Variants in KALRN observed in about 807,000 individuals in gnomAD.
KALRN encodes kalirin.
A neutral mutation model predicts 353.7 loss-of-function variants in KALRN; 70 were observed. That is an observed-to-expected ratio of 0.20 (90% CI 0.16 to 0.24). The LOEUF is 0.24. Among genes scored for constraint, KALRN ranks in the 10% least tolerant of loss-of-function variants. The probability of loss-of-function intolerance (pLI) is 1.00; values close to 1 mark genes in which losing one functional copy is unlikely to be tolerated. For synonymous variants in KALRN, 1,391 were observed against 1,434.8 expected, an observed-to-expected ratio of 0.97 and a Z score of 0.69; for missense variants, 2,791 against 3,756.7, an observed-to-expected ratio of 0.74 and a Z score of 6.72.
intron 57 of KALRN, among the ~76,000 whole-genome samples, chr3:124,705,980 T>C (rs1224960077): frequency 6.6e-6 from 1 of 151,930 alleles, no homozygotes; most frequent in African/African-American, 2.4e-5. Context: ...GGCTCAATCA[T>C]GGTTCACTGC....
chr3:124,068,251 A>G (rs1435464542), intron 1 of KALRN, among the ~76,000 whole-genome samples: 2 of 152,210 alleles, frequency 1.3e-5, no homozygotes, highest in Non-Finnish European at 2.9e-5. Flanking sequence ...ACCCACCTCC[A>G]TCTGTGGAAC....
chr3:124,325,815 A>G (rs565902434), intron 6 of KALRN, among the ~76,000 whole-genome samples, 165 bp from the exon 7 acceptor site: 1 of 152,312 alleles, frequency 6.6e-6, no homozygotes, highest in South Asian at 2.1e-4. Context: ...GAATTGTAGA[A>G]AAAGATTTCC....
intron 28 of KALRN, among the ~76,000 whole-genome samples, chr3:124,485,886 A>C (rs1402131385): frequency 6.6e-6 from 1 of 152,148 alleles, no homozygotes. Flanking sequence ...TCTCAAAAAA[A>C]AGAAGAAGAT....
In KALRN at chr3:124,700,018, C is replaced by T. The variant is rs1369664710; in HGVS notation, c.7981C>T (p.Arg2661Ter). 3.1e-6 allele frequency: 5 copies of T among 1,613,966 alleles called. No individual in the cohort carries two copies. Among genetic ancestry groups the T allele is most frequent in the Non-Finnish European group, 4.2e-6 (5 of 1,179,938 alleles). The change falls in exon 56 of 60, where the codon CGA becomes TGA. Residue 2661 changes from arginine (R) to a stop codon, truncating the protein, a stop_gained. Coordinates refer to ENST00000682506, the MANE Select transcript of KALRN (RefSeq NM_001388419.1). LOFTEE classifies it high-confidence loss of function. Reference protein sequence around the residue: ...SLPSEPSEFVRLPEYDAAADG... With the variant: ...SLPSEPSEFV ...TCCCAGCGAGCCCTCGGAGTTTGTG[C>T]GACTTCCAGAATATGGTGAGTCCCA...
intron 28 of KALRN, among the ~76,000 whole-genome samples, chr3:124,487,338 A>G (rs950757885): frequency 5.3e-5 from 8 of 152,198 alleles, no homozygotes; most frequent in Non-Finnish European, 1.0e-4. Flanking sequence ...TGAGTCTCCA[A>G]TGAGGAAATA....
At chr3:124,205,352 C>A (rs2076322813) in intron 1 of KALRN, among the ~76,000 whole-genome samples, 2 of 152,092 alleles carry the variant, frequency 1.3e-5, no homozygotes, top group African/African-American at 2.4e-5. Flanking sequence ...TTTTAGGGAG[C>A]ACTCCAATCA....
chr3:124,632,653 T>A lies in KALRN; in HGVS notation c.5416T>A (p.Ser1806Thr). 2 of 1,613,912 alleles carry A rather than the reference T, an allele frequency of 1.2e-6. No homozygotes were observed. The highest frequency in any genetic ancestry group is 1.7e-6 in the Non-Finnish European group (2 of 1,179,956). Residue 1806 changes from serine to threonine, a missense_variant, in exon 35 of 60, where the codon TCT (serine) becomes ACT (threonine). Transcript: ENST00000682506. Reference sequence around the variant, plus strand: ...TGGTCGGAAGAGCTTTGACCTGGGATCTCCCAAGCCTGGGGATGAAACAAC... The same window carrying A: ...TGGTCGGAAGAGCTTTGACCTGGGAACTCCCAAGCCTGGGGATGAAACAAC... ...RDGRKSFDLGSPKPGDETTPQ... is the reference protein window; with the variant it reads ...RDGRKSFDLGTPKPGDETTPQ...
intron 33 of KALRN, among the ~76,000 whole-genome samples, chr3:124,517,193 A>G (rs2066705380): frequency 6.6e-6 from 1 of 152,170 alleles, no homozygotes; most frequent in Non-Finnish European, 1.5e-5. Flanking sequence ...GCTGTGAGTT[A>G]CTTCACAAAT....
At chr3:124,269,312 C>T (rs1230940402) in intron 5 of KALRN, 57 bp downstream of exon 5, 1 of 1,498,100 alleles carries the variant, frequency 6.7e-7, no homozygotes, top group African/African-American at 1.4e-5. Flanking sequence ...GCAGAGGTTG[C>T]TCATCCAACT....
chr3:124,100,891 T>A (rs1458889260), intron 1 of KALRN, among the ~76,000 whole-genome samples: 1 of 152,244 alleles, frequency 6.6e-6, no homozygotes, highest in East Asian at 1.9e-4. Flanking sequence ...TAAAGACCTC[T>A]GTAGGTGATT....
intron 34 of KALRN, among the ~76,000 whole-genome samples, chr3:124,582,066 G>T (rs140314178): frequency 0.01 from 1,533 of 150,768 alleles, 34 homozygotes; most frequent in African/African-American, 0.035. Flanking sequence ...TGTTGCCCAG[G>T]CTGGAGTGCA....
chr3:124,473,872 A>G (rs2061184615), intron 25 of KALRN, among the ~76,000 whole-genome samples: 1 of 152,200 alleles, frequency 6.6e-6, no homozygotes, highest in Non-Finnish European at 1.5e-5. Context: ...ATGTGTCCCC[A>G]AAGCCTCATA....
chr3:124,214,713 C>T (rs1163459019), intron 1 of KALRN, among the ~76,000 whole-genome samples: 1 of 152,156 alleles, frequency 6.6e-6, no homozygotes, highest in Admixed American at 6.6e-5. Context: ...TTTTAGGATC[C>T]AACTCACTTG....
At chr3:124,536,141 A>C (rs954212313) in intron 33 of KALRN, among the ~76,000 whole-genome samples, 2 of 151,808 alleles carry the variant, frequency 1.3e-5, no homozygotes, top group Non-Finnish European at 2.9e-5. Context: ...CGTTACTAAG[A>C]AGTAAGGGCA....
At chr3:124,192,158 G>T (rs1435915986) in intron 1 of KALRN, among the ~76,000 whole-genome samples, 1 of 152,192 alleles carries the variant, frequency 6.6e-6, no homozygotes. Context: ...TAGAGAAGAG[G>T]CCTTTAAACA....
rs528861618 is a variant in KALRN, at chr3:124,422,383, TA to T, written c.2543-419del. 6.4e-4 allele frequency among the ~76,000 whole-genome samples: 95 copies of T among 148,388 alleles called. 4 individuals are homozygous for T. The highest frequency in any genetic ancestry group is 2.2e-4 in the Non-Finnish European group (15 of 66,860). On this transcript the variant is annotated intron_variant, in intron 14 of 59. Coordinates refer to ENST00000682506, the MANE Select transcript of KALRN (RefSeq NM_001388419.1). ...TAATGATAAATTATATCTGACCAGCTAAAAAAAAAAGTGTGTCATTGGCCAA... is the reference window on the plus strand; with the variant it reads ...TAATGATAAATTATATCTGACCAGCTAAAAAAAAAGTGTGTCATTGGCCAA...
chr3:124,567,553 T>A (rs1441188229), intron 34 of KALRN, among the ~76,000 whole-genome samples: 2 of 152,134 alleles, frequency 1.3e-5, no homozygotes, highest in Non-Finnish European at 2.9e-5. Context: ...TCTTAGGGCT[T>A]CTCACTGGGA....
intron 13 of KALRN, among the ~76,000 whole-genome samples, chr3:124,407,313 C>CT (rs904563630): frequency 2.0e-5 from 3 of 151,564 alleles, no homozygotes; most frequent in African/African-American, 7.3e-5. Flanking sequence ...AATATGTTTT[C>CT]TTTTATATAT....
intron 8 of KALRN, among the ~76,000 whole-genome samples, chr3:124,333,311 C>G (rs2149455020): frequency 6.6e-6 from 1 of 152,236 alleles, no homozygotes; most frequent in East Asian, 1.9e-4. Context: ...AATTGGTAGC[C>G]AGTATCACTT....
Sources: allele counts gnomAD v4.1 joint callset (sites outside exome capture counted in the v4.1 genomes callset), GRCh38; gene constraint gnomAD v4.1.1; transcripts MANE v1.5; gene names NCBI Gene and HGNC (gene_info 2026-07-23, HGNC 2026-07-21).